The following DPP10 variants were observed in gnomAD, a reference collection of about 807,000 sequenced individuals.
DPP10 encodes the protein dipeptidyl peptidase like 10, also known as inactive dipeptidyl peptidase 10.
A neutral mutation model predicts 120.9 loss-of-function variants in DPP10; 33 were observed. That is an observed-to-expected ratio of 0.27 (90% CI 0.21 to 0.37). DPP10 has a LOEUF of 0.37. Ranked by LOEUF, DPP10 falls within the 10% of genes least tolerant of loss-of-function variation. The pLI is 1.00. For synonymous variants in DPP10, 337 were observed against 326.1 expected (o/e 1.03, Z -0.36); for missense variants, 816 against 942.8 (o/e 0.87, Z 1.76).
At chr2:115,139,440 C>T (rs144064151) in intron 1 of DPP10, among the ~76,000 whole-genome samples, 271 of 151,854 alleles carry the variant, frequency 1.8e-3, no homozygotes, top group African/African-American at 6.1e-3. Context: ...CACACACATA[C>T]GAAAAACTTT....
At chr2:115,214,018 T>G (rs1301748387) in intron 1 of DPP10, among the ~76,000 whole-genome samples, 1 of 152,172 alleles carries the variant, frequency 6.6e-6, no homozygotes. Context: ...TTATAAATCT[T>G]TAATATTTAG....
chr2:115,657,694 A>G (rs1003381066), intron 5 of DPP10, among the ~76,000 whole-genome samples: 13 of 152,024 alleles, frequency 8.6e-5, no homozygotes, highest in African/African-American at 3.1e-4. Flanking sequence ...AGCAACCTAA[A>G]TGCGTGGAAG....
In DPP10 at chr2:115,844,415, T is replaced by A. The variant is rs1690447940; in HGVS notation, c.*2070T>A. The A allele has an allele frequency of 6.6e-6, 1 of 152,548 alleles. No individual in the cohort carries two copies. The highest frequency in any genetic ancestry group is 2.4e-5 in the African/African-American group (1 of 41,436). 9.4% of individuals were successfully genotyped at this position (152,548 alleles called of 1,614,324 possible). On this transcript the variant is annotated 3_prime_UTR_variant, in exon 26 of 26. Transcript: ENST00000410059. Reference sequence around the variant, plus strand: ...AATGTTTATCTATTTTTCAATTAATTTAATACAGTTTCTAATGTGAAAGAC... The same window carrying A: ...AATGTTTATCTATTTTTCAATTAATATAATACAGTTTCTAATGTGAAAGAC...
At chr2:115,110,409 G>A (rs79948599) in intron 1 of DPP10, among the ~76,000 whole-genome samples, 8,861 of 152,194 alleles carry the variant, frequency 0.058, 316 homozygotes, top group East Asian at 0.15. Context: ...ACTAGGAAAA[G>A]GAGCAATTTT....
At chr2:115,170,931 C>G (rs940905021) in intron 1 of DPP10, among the ~76,000 whole-genome samples, 2 of 152,182 alleles carry the variant, frequency 1.3e-5, no homozygotes, top group African/African-American at 4.8e-5. Flanking sequence ...TCTCTGCACT[C>G]TAGGATGGTA....
chr2:115,578,520 C>G (rs889567876), intron 5 of DPP10, among the ~76,000 whole-genome samples: 1 of 152,060 alleles, frequency 6.6e-6, no homozygotes, highest in African/African-American at 2.4e-5. Flanking sequence ...GGATAAGTTT[C>G]AGTAGCCCCA....
intron 5 of DPP10, among the ~76,000 whole-genome samples, chr2:115,590,283 C>A (rs1575265806): frequency 6.6e-6 from 1 of 151,840 alleles, no homozygotes; most frequent in Admixed American, 6.6e-5. Flanking sequence ...TCGTCATTTA[C>A]ATTAGGTATA....
intron 1 of DPP10, among the ~76,000 whole-genome samples, chr2:115,020,082 T>C (rs1320668335): frequency 1.3e-5 from 2 of 152,020 alleles, no homozygotes; most frequent in East Asian, 1.9e-4. Flanking sequence ...AAGAGTTATA[T>C]AACAATAACA....
intron 1 of DPP10, among the ~76,000 whole-genome samples, chr2:115,235,934 A>G (rs1186698494): frequency 6.6e-6 from 1 of 152,164 alleles, no homozygotes; most frequent in African/African-American, 2.4e-5. Context: ...AGTCTGCCTC[A>G]TAGACGATTG....
At chr2:115,473,367 A>G (rs1226444229) in intron 3 of DPP10, among the ~76,000 whole-genome samples, 6 of 152,168 alleles carry the variant, frequency 3.9e-5, no homozygotes, top group African/African-American at 1.4e-4. Flanking sequence ...GAACTCTATT[A>G]GAGTCAAATT....
At chr2:114,444,837 C>A (rs1430348112) in intron 1 of DPP10, among the ~76,000 whole-genome samples, 2 of 152,094 alleles carry the variant, frequency 1.3e-5, no homozygotes, top group Non-Finnish European at 2.9e-5. Context: ...CAAAAAAATG[C>A]TTGTGATGTT....
At chr2:114,644,824 C>T (rs552662876) in intron 1 of DPP10, among the ~76,000 whole-genome samples, 114 of 151,960 alleles carry the variant, frequency 7.5e-4, no homozygotes, top group Non-Finnish European at 1.5e-3. Flanking sequence ...AGTTAGAGGA[C>T]GTGCTACTAA....
chr2:115,715,209 C>A (rs1191582542), intron 7 of DPP10, among the ~76,000 whole-genome samples: 1 of 150,902 alleles, frequency 6.6e-6, no homozygotes, highest in African/African-American at 2.4e-5. Context: ...CGTGGTGGCA[C>A]ATGCCTGTAA....
chr2:114,929,021 A>G (rs1330064186), intron 1 of DPP10, among the ~76,000 whole-genome samples: 1 of 152,200 alleles, frequency 6.6e-6, no homozygotes, highest in Non-Finnish European at 1.5e-5. Context: ...AAAGAGTACA[A>G]AAGAGAGAAA....
At chr2:115,498,124 T>A (rs2076499082) in intron 3 of DPP10, among the ~76,000 whole-genome samples, 1 of 152,056 alleles carries the variant, frequency 6.6e-6, no homozygotes, top group Non-Finnish European at 1.5e-5. Flanking sequence ...TCCATTTGAC[T>A]TTCCCTGTTT....
chr2:114,984,779 A>C (rs1256364467), intron 1 of DPP10, among the ~76,000 whole-genome samples: 4 of 152,162 alleles, frequency 2.6e-5, no homozygotes, highest in Non-Finnish European at 5.9e-5. Context: ...GGAAGCCTTG[A>C]GGTTCATTTC....
intron 1 of DPP10, among the ~76,000 whole-genome samples, chr2:115,156,797 T>C (rs1466653369): frequency 6.6e-6 from 1 of 152,208 alleles, no homozygotes; most frequent in African/African-American, 2.4e-5. Context: ...ACAAATGCGA[T>C]GCCAATGTTT....
At chr2:115,053,507 A>G (rs929445933) in intron 1 of DPP10, among the ~76,000 whole-genome samples, 2 of 152,206 alleles carry the variant, frequency 1.3e-5, no homozygotes, top group African/African-American at 2.4e-5. Context: ...ATTTTCTTCC[A>G]AGAGTGATGA....
chr2:115,706,038 A>G (rs2092093282), intron 7 of DPP10, among the ~76,000 whole-genome samples: 2 of 151,910 alleles, frequency 1.3e-5, no homozygotes, highest in Non-Finnish European at 2.9e-5. Context: ...TATCTTAACT[A>G]TCTTCACTTA....
Sources: allele counts gnomAD v4.1 joint callset (sites outside exome capture counted in the v4.1 genomes callset), GRCh38; gene constraint gnomAD v4.1.1; transcripts MANE v1.5; gene names NCBI Gene and HGNC (gene_info 2026-07-23, HGNC 2026-07-21).